KCNQ5: variants seen among roughly 807,000 people sequenced by gnomAD.
The protein encoded by KCNQ5 is potassium voltage-gated channel subfamily Q member 5.
Under a neutral mutation model 98.2 loss-of-function variants are expected in KCNQ5, and 30 were observed. The ratio of observed to expected loss-of-function variants is 0.31; its 90% CI spans 0.23 to 0.41. KCNQ5 has a LOEUF of 0.41. Ranked by LOEUF, KCNQ5 falls within the 10% of genes least tolerant of loss-of-function variation. The pLI, the probability that KCNQ5 is intolerant of heterozygous loss-of-function variation, is 1.00. For missense variants in KCNQ5, 835 were observed against 1,182.5 expected (o/e 0.71, Z 4.31); for synonymous variants, 458 against 449.4 (o/e 1.02, Z -0.24).
At chr6:73,034,716 A>T (rs1320988909) in intron 2 of KCNQ5, among the ~76,000 whole-genome samples, 1 of 152,216 alleles carries the variant, frequency 6.6e-6, no homozygotes, top group Non-Finnish European at 1.5e-5. Flanking sequence ...ATTGAATCAC[A>T]GTTCTCAGGT....
At chr6:72,688,028 G>A (rs1035943833) in intron 1 of KCNQ5, among the ~76,000 whole-genome samples, 1 of 151,830 alleles carries the variant, frequency 6.6e-6, no homozygotes, top group South Asian at 2.1e-4. Context: ...TAGTAGAGAC[G>A]GGGTTTCACC....
At chr6:72,871,736 C>T (rs1476418690) in intron 1 of KCNQ5, among the ~76,000 whole-genome samples, 1 of 152,174 alleles carries the variant, frequency 6.6e-6, no homozygotes, top group Non-Finnish European at 1.5e-5. Flanking sequence ...GCCCCAGGTT[C>T]CTTGTAATGT....
intron 1 of KCNQ5, among the ~76,000 whole-genome samples, chr6:72,787,283 C>T (rs1773806477): frequency 6.6e-6 from 1 of 152,144 alleles, no homozygotes; most frequent in African/African-American, 2.4e-5. Flanking sequence ...TACTGGAACA[C>T]AGCCATACTC....
chr6:73,192,449 A>G lies in KCNQ5; in HGVS notation c.1710-116A>G, dbSNP rs1038487628. On this transcript the variant is annotated intron_variant, in intron 12 of 13. Coordinates refer to ENST00000370398, the MANE Select transcript of KCNQ5 (RefSeq NM_019842.4). ...ACTGGAACAAGTTCTTTCTTATTTC[A>G]TCTTACATAAATTGAAGATAACTGT... The G allele has an allele frequency of 4.6e-6, 4 of 875,438 alleles. No individual in the cohort carries two copies. In the African/African-American group the frequency reaches 5.2e-5, roughly 11 times the overall value. 54.2% of individuals were successfully genotyped at this position (875,438 alleles called of 1,614,324 possible).
chr6:73,131,619 A>G lies in KCNQ5; in HGVS notation c.1248-1802A>G, dbSNP rs574252208. ...AATTTAAAAAAAAAAAAAGCTTGAGAAAAGTAGATATTTTTGGGCACCATC... is the reference window on the plus strand; with the variant it reads ...AATTTAAAAAAAAAAAAAGCTTGAGGAAAGTAGATATTTTTGGGCACCATC... On this transcript the variant is annotated intron_variant, in intron 9 of 13. Coordinates refer to ENST00000370398, the MANE Select transcript of KCNQ5 (RefSeq NM_019842.4). 2.6e-5 allele frequency among the ~76,000 whole-genome samples: 4 copies of G among 152,226 alleles called. No individual in the cohort carries two copies. The South Asian group carries it at 6.2e-4, about 24-fold the overall frequency.
At chr6:72,777,612 A>G (rs946722263) in intron 1 of KCNQ5, among the ~76,000 whole-genome samples, 13 of 152,236 alleles carry the variant, frequency 8.5e-5, no homozygotes, top group African/African-American at 3.1e-4. Flanking sequence ...CATTTAAACA[A>G]CAACAACAAA....
chr6:72,642,196 T>C (rs1273713091), intron 1 of KCNQ5, among the ~76,000 whole-genome samples: 2 of 148,240 alleles, frequency 1.3e-5, no homozygotes, highest in African/African-American at 4.9e-5. Context: ...AATTTACAAG[T>C]GAAAAACAAA....
chr6:72,736,505 T>TTTTTTTTTC (rs1369579965), intron 1 of KCNQ5, among the ~76,000 whole-genome samples: 2 of 134,094 alleles, frequency 1.5e-5, no homozygotes, highest in African/African-American at 6.5e-5. Flanking sequence ...AAGATTTCTT[T>TTTTTTTTTC]TTTTTTTTTT....
At chr6:72,630,313 C>T (rs1348727349) in intron 1 of KCNQ5, among the ~76,000 whole-genome samples, 1 of 152,110 alleles carries the variant, frequency 6.6e-6, no homozygotes, top group Non-Finnish European at 1.5e-5. Context: ...TCATAGTGGT[C>T]ATTGTTCTCA....
chr6:72,829,188 CCTGTT>C (rs1430127930), intron 1 of KCNQ5, among the ~76,000 whole-genome samples: 1 of 152,062 alleles, frequency 6.6e-6, no homozygotes, highest in Non-Finnish European at 1.5e-5. Context: ...CAATATGTGT[CCTGTT>C]CTGCAGCAGG....
At chr6:72,846,771 A>T (rs1331520283) in intron 1 of KCNQ5, among the ~76,000 whole-genome samples, 1 of 152,178 alleles carries the variant, frequency 6.6e-6, no homozygotes, top group Non-Finnish European at 1.5e-5. Flanking sequence ...TTCATCCTCA[A>T]ATGGTGAAAA....
chr6:73,007,837 C>G (rs991159709), intron 2 of KCNQ5, among the ~76,000 whole-genome samples: 1 of 152,136 alleles, frequency 6.6e-6, no homozygotes, highest in Non-Finnish European at 1.5e-5. Flanking sequence ...TGCTGTAAGC[C>G]CCTCCCCTAC....
chr6:73,153,937 C>A (rs928384479), intron 10 of KCNQ5, among the ~76,000 whole-genome samples: 1 of 150,074 alleles, frequency 6.7e-6, no homozygotes, highest in Non-Finnish European at 1.5e-5. Flanking sequence ...CAAATTGCAT[C>A]TACTTTGGCA....
At chr6:72,998,164 C>T (rs1769391895) in intron 1 of KCNQ5, among the ~76,000 whole-genome samples, 1 of 152,164 alleles carries the variant, frequency 6.6e-6, no homozygotes, top group African/African-American at 2.4e-5. Context: ...GTGGCCTGTC[C>T]TCCAGGCAAA....
chr6:72,694,144 A>G (rs562207217), intron 1 of KCNQ5, among the ~76,000 whole-genome samples: 3 of 152,292 alleles, frequency 2.0e-5, no homozygotes, highest in East Asian at 1.9e-4. Context: ...TTTTTTGATC[A>G]TGTAAAATAT....
At chr6:73,115,779 C>T (rs1775465352) in intron 7 of KCNQ5, among the ~76,000 whole-genome samples, 1 of 152,142 alleles carries the variant, frequency 6.6e-6, no homozygotes, top group Non-Finnish European at 1.5e-5. Flanking sequence ...AATAGAACTT[C>T]TCTTCCACAA....
At chr6:72,919,364 GTAGTCACATAAACAAAA>G (rs995207080) in intron 1 of KCNQ5, among the ~76,000 whole-genome samples, 1 of 152,196 alleles carries the variant, frequency 6.6e-6, no homozygotes, top group African/African-American at 2.4e-5. Context: ...TTAAGCAGTA[GTAGTCACATAAACAAAA>G]ACAATAATAA....
intron 1 of KCNQ5, among the ~76,000 whole-genome samples, chr6:72,687,818 A>T (rs1302627948): frequency 6.7e-6 from 1 of 149,732 alleles, no homozygotes; most frequent in Non-Finnish European, 1.5e-5. Flanking sequence ...GCAAAATGCT[A>T]GTCTTTTTAT....
At chr6:73,182,851 C>T (rs1309498206) in intron 11 of KCNQ5, among the ~76,000 whole-genome samples, 1 of 152,132 alleles carries the variant, frequency 6.6e-6, no homozygotes, top group Non-Finnish European at 1.5e-5. Flanking sequence ...TAACAGACTC[C>T]AATGAGACTG....
Sources: gnomAD v4.1 joint callset for allele counts (sites outside exome capture counted in the v4.1 genomes callset) on GRCh38, gnomAD v4.1.1 for gene constraint, MANE v1.5 for transcripts, NCBI Gene and HGNC (gene_info 2026-07-23, HGNC 2026-07-21) for gene names.